Variants in ZCCHC10 observed in about 807,000 individuals in gnomAD.
The protein encoded by ZCCHC10 is zinc finger CCHC domain-containing protein 10.
In ZCCHC10, 16 loss-of-function variants were observed where a neutral mutation model predicts 19.5. That is an observed-to-expected ratio of 0.82 (90% CI 0.56 to 1.25). The LOEUF is 1.25. ZCCHC10 is among the 50% of genes most tolerant of loss of function. ZCCHC10 has a pLI of 0.00. For synonymous variants in ZCCHC10, 67 were observed against 72.5 expected (o/e 0.92, Z 0.38); for missense variants, 197 against 201.0 (o/e 0.98, Z 0.12).
intron 3 of ZCCHC10, among the ~76,000 whole-genome samples, chr5:133,001,953 CTTTTTTTTT>C (rs34331639): frequency 7.7e-5 from 6 of 77,842 alleles, no homozygotes; most frequent in Admixed American, 7.1e-4. Flanking sequence ...ATTCAGCAAT[CTTTTTTTTT>C]TTTTTTTTTT....
rs375583069 is a variant in ZCCHC10, at chr5:133,005,464, A to C, written c.269+1295T>G. On this transcript the variant is annotated intron_variant, in intron 3 of 4. Coordinates refer to ENST00000509437, the MANE Select transcript of ZCCHC10 (RefSeq NM_001300816.3). ...CCCATCTCTACCAAAAATACAAAAA[A>C]TTAGCCAGGCGTGGTGGTGTGCATC... Among the ~76,000 whole-genome samples the C allele has an allele frequency of 4.6e-5, 7 of 152,042 alleles. No homozygotes were observed. In the East Asian group the frequency reaches 9.6e-4, roughly 21 times the overall value.
intron 2 of ZCCHC10, among the ~76,000 whole-genome samples, chr5:133,017,808 C>T (rs750095926): frequency 6.6e-6 from 1 of 152,078 alleles, no homozygotes; most frequent in Non-Finnish European, 1.5e-5. Flanking sequence ...ATAAGATAGA[C>T]TCAAAACAAT....
At chr5:133,003,268 C>T (rs1762891017) in intron 3 of ZCCHC10, 2 of 457,800 alleles carry the variant, frequency 4.4e-6, no homozygotes, top group South Asian at 3.3e-5. Context: ...AAAGACTAAC[C>T]CAGAGCCCTG....
intron 2 of ZCCHC10, among the ~76,000 whole-genome samples, chr5:133,018,843 A>C (rs1352743203): frequency 6.6e-6 from 1 of 152,210 alleles, no homozygotes; most frequent in Admixed American, 6.6e-5. Flanking sequence ...GTTGGACTAG[A>C]CAGAGCACTC....
intron 1 of ZCCHC10, among the ~76,000 whole-genome samples, chr5:133,024,795 C>A (rs1020992878): frequency 6.6e-6 from 1 of 151,858 alleles, no homozygotes; most frequent in African/African-American, 2.4e-5. Flanking sequence ...CCCAGCTAGT[C>A]GGGAGGCTGA....
intron 2 of ZCCHC10, among the ~76,000 whole-genome samples, chr5:133,019,861 A>C (rs1764182017): frequency 6.6e-6 from 1 of 151,518 alleles, no homozygotes; most frequent in African/African-American, 2.4e-5. Flanking sequence ...CTGAGACAGG[A>C]GAATTGCTTG....
chr5:133,003,260 A>G (rs769043957), intron 3 of ZCCHC10: 36 of 447,082 alleles, frequency 8.1e-5, no homozygotes, highest in Admixed American at 2.3e-5. Flanking sequence ...TGGGACAGAA[A>G]GACTAACCCA....
At chr5:133,011,160 C>A (rs1487925257) in intron 2 of ZCCHC10, among the ~76,000 whole-genome samples, 1 of 151,806 alleles carries the variant, frequency 6.6e-6, no homozygotes. Context: ...CTAAGTTGCC[C>A]CGGCTGGTCT....
In ZCCHC10 at chr5:132,997,574, C is replaced by G. The variant is rs1218882181; in HGVS notation, c.*1009G>C. The G allele has an allele frequency of 6.6e-6, 1 of 152,018 alleles. No individual in the cohort carries two copies. The highest frequency in any genetic ancestry group is 1.5e-5 in the Non-Finnish European group (1 of 67,988). The allele number at this position is 152,018 out of a possible 1,614,324, so 9.4% of individuals were successfully genotyped here. A position where few individuals can be genotyped will look rare whatever the true frequency, so the allele number is the denominator to read the frequency against. ...CCTATGTAAACACACCAGATTAATCCTAGTCATTCATATATATGCAGTAGA... is the reference window on the plus strand; with the variant it reads ...CCTATGTAAACACACCAGATTAATCGTAGTCATTCATATATATGCAGTAGA... On this transcript the variant is annotated 3_prime_UTR_variant, in exon 5 of 5. Coordinates refer to ENST00000509437, the MANE Select transcript of ZCCHC10 (RefSeq NM_001300816.3).
At chr5:133,007,295 C>T (rs1450313181) in intron 2 of ZCCHC10, among the ~76,000 whole-genome samples, 3 of 152,106 alleles carry the variant, frequency 2.0e-5, no homozygotes, top group African/African-American at 7.2e-5. Flanking sequence ...ATAATCCCAG[C>T]ACTTTGGGAG....
chr5:133,000,048 T>G (rs1762661741), intron 4 of ZCCHC10, 84 bp downstream of exon 4: 2 of 1,472,480 alleles, frequency 1.4e-6, no homozygotes, highest in African/African-American at 2.8e-5. Context: ...GCATCTGGCA[T>G]AGCTATTGTT....
In ZCCHC10 at chr5:133,012,484, T is replaced by G. The variant is rs968661251; in HGVS notation, c.108-5564A>C. Among the ~76,000 whole-genome samples, 20 of 135,262 alleles carry G rather than the reference T, an allele frequency of 1.5e-4. 1 individual carries two copies. Among genetic ancestry groups the G allele is most frequent in the Non-Finnish European group, 1.1e-4 (7 of 62,524 alleles). 88.7% of individuals were successfully genotyped at this position (135,262 alleles called of 152,430 possible). A position where few individuals can be genotyped will look rare whatever the true frequency, so the allele number is the denominator to read the frequency against. ...CTCCATCTCAAAGAAAAAAAAAAAG[T>G]GTACAGAAATTCAAAAGGCCAGTAA... On this transcript the variant is annotated intron_variant, in intron 2 of 4. Coordinates refer to ENST00000509437, the MANE Select transcript of ZCCHC10 (RefSeq NM_001300816.3).
At chr5:133,003,277 TG>T in intron 3 of ZCCHC10, 2 of 461,202 alleles carry the variant, frequency 4.3e-6, no homozygotes, top group Non-Finnish European at 8.6e-6. Flanking sequence ...CCCAGAGCCC[TG>T]AACAAACTGG....
chr5:133,013,080 T>TA (rs1763672567), intron 2 of ZCCHC10, among the ~76,000 whole-genome samples: 2 of 122,464 alleles, frequency 1.6e-5, no homozygotes, highest in African/African-American at 6.1e-5. Flanking sequence ...AAAAAAATAA[T>TA]AAATAAATAA....
At chr5:133,014,204 G>A (rs1763769150) in intron 2 of ZCCHC10, among the ~76,000 whole-genome samples, 1 of 137,762 alleles carries the variant, frequency 7.3e-6, no homozygotes, top group Non-Finnish European at 1.5e-5. Flanking sequence ...TTGTTGCCCA[G>A]GCTGGAGTGC....
At chr5:133,010,617 T>C (rs530337282) in intron 2 of ZCCHC10, among the ~76,000 whole-genome samples, 2 of 152,230 alleles carry the variant, frequency 1.3e-5, no homozygotes, top group East Asian at 1.9e-4. Flanking sequence ...GAATTGAGTT[T>C]CTATATAACA....
At chr5:133,020,340 A>T (rs1426457073) in intron 2 of ZCCHC10, among the ~76,000 whole-genome samples, 1 of 152,116 alleles carries the variant, frequency 6.6e-6, no homozygotes, top group African/African-American at 2.4e-5. Flanking sequence ...GCTACTTGGG[A>T]GGCTGAGGCA....
intron 2 of ZCCHC10, among the ~76,000 whole-genome samples, chr5:133,008,537 CAAAAA>C (rs567424776): frequency 1.0e-5 from 1 of 98,472 alleles, no homozygotes; most frequent in Non-Finnish European, 2.0e-5. Flanking sequence ...GACTCCATCT[CAAAAA>C]AAAAAAAAAA....
rs1260576206 is a variant in ZCCHC10, at chr5:132,997,725, A to G, written c.*858T>C. 3 of 152,216 alleles carry G rather than the reference A, an allele frequency of 2.0e-5. No individual in the cohort carries two copies. Among genetic ancestry groups the G allele is most frequent in the Non-Finnish European group, 4.4e-5 (3 of 68,016 alleles). The allele number at this position is 152,216 out of a possible 1,614,324, so 9.4% of individuals were successfully genotyped here. A position where few individuals can be genotyped will look rare whatever the true frequency, so the allele number is the denominator to read the frequency against. ...GGCGACCAACATTGCCCTAATTTTC[A>G]GTAAAAATTACCTCTTCTTCCTACC... On this transcript the variant is annotated 3_prime_UTR_variant, in exon 5 of 5. Transcript: ENST00000509437.
Sources: allele counts gnomAD v4.1 joint callset (sites outside exome capture counted in the v4.1 genomes callset), GRCh38; gene constraint gnomAD v4.1.1; transcripts MANE v1.5; gene names NCBI Gene and HGNC (gene_info 2026-07-23, HGNC 2026-07-21).